DNAJC7: variants seen among roughly 807,000 people sequenced by gnomAD.
DNAJC7 encodes the protein dnaJ homolog subfamily C member 7.
A neutral mutation model predicts 67.4 loss-of-function variants in DNAJC7; 18 were observed. That is an observed-to-expected ratio of 0.27 (90% CI 0.18 to 0.40). The LOEUF (loss-of-function observed/expected upper bound fraction) is 0.40. Ranked by LOEUF, DNAJC7 falls within the 10% of genes least tolerant of loss-of-function variation. The pLI, the probability that DNAJC7 is intolerant of heterozygous loss-of-function variation, is 1.00. For synonymous variants in DNAJC7, 220 were observed against 207.8 expected (o/e 1.06, Z -0.50); for missense variants, 419 against 613.8 (o/e 0.68, Z 3.35).
rs782506550 is a variant in DNAJC7 at position 41,976,779 on chromosome 17, G to GA, written c.1448-10dup. 13 of 1,609,708 alleles carry GA rather than the reference G, an allele frequency of 8.1e-6. No homozygotes were observed. Among genetic ancestry groups the GA allele is most frequent in the Non-Finnish European group, 1.1e-5 (13 of 1,179,084 alleles). On this transcript the variant is annotated splice_polypyrimidine_tract_variant and intron_variant, in intron 13 of 13. Transcript: ENST00000457167. ...ATTCCCTGGACCAGATGCTGAAAGA[G>GA]AAAAGAGGGGTTGGTAGTTGGCTAT...
At chr17:41,987,752 T>G in intron 9 of DNAJC7, 67 bp downstream of exon 9, 2 of 1,381,722 alleles carry the variant, frequency 1.4e-6, no homozygotes, top group South Asian at 2.5e-5. Flanking sequence ...TGCTTCGTCA[T>G]CCACAAGGCA....
At chr17:41,986,919 C>G (rs1470285721) in intron 9 of DNAJC7, among the ~76,000 whole-genome samples, 1 of 152,150 alleles carries the variant, frequency 6.6e-6, no homozygotes, top group Non-Finnish European at 1.5e-5. Flanking sequence ...CATCAGGCAT[C>G]AGTGACAGCA....
Position 41,982,376 on chromosome 17 carries a change from C to T in DNAJC7, c.1110G>A (p.Ala370=), listed in dbSNP as rs142248480. 3.3e-4 allele frequency: 536 copies of T among 1,613,960 alleles called. 6 individuals are homozygous for T. The African/African-American group carries it at 6.5e-3, about 20-fold the overall frequency. Reference sequence around the variant, plus strand: ...TCTTACTCTTCTTCAGTTCCAGCTGCGCATTTTTTAGGAGCTGTTTGTGTT... The same window carrying T: ...TCTTACTCTTCTTCAGTTCCAGCTGTGCATTTTTTAGGAGCTGTTTGTGTT... The part of the protein sequence containing the change: ...TKEHKQLLKN[A]QLELKKSKRK... Residue 370 remains alanine (A), a synonymous_variant, in exon 11 of 14, where the codon GCG becomes GCA. Transcript: ENST00000457167.
chr17:41,991,228 C>T (rs2051504714), intron 5 of DNAJC7, among the ~76,000 whole-genome samples: 1 of 152,086 alleles, frequency 6.6e-6, no homozygotes, highest in Non-Finnish European at 1.5e-5. Context: ...ATAAATGAAC[C>T]GAAGGACAAA....
intron 1 of DNAJC7, among the ~76,000 whole-genome samples, chr17:42,005,998 C>A (rs1337493732): frequency 6.6e-6 from 1 of 151,884 alleles, no homozygotes; most frequent in East Asian, 1.9e-4. Flanking sequence ...GGCTAGAGTG[C>A]AGTGGCGTGA....
At chr17:41,979,008 G>A (rs2051169057) in intron 12 of DNAJC7, among the ~76,000 whole-genome samples, 1 of 152,212 alleles carries the variant, frequency 6.6e-6, no homozygotes, top group Non-Finnish European at 1.5e-5. Context: ...CTGAACTGGA[G>A]AGGACTCAGC....
In DNAJC7 at chr17:41,976,892, G is replaced by A. The variant is rs1477846120; in HGVS notation, c.1448-122C>T. 9.6e-6 allele frequency: 12 copies of A among 1,253,556 alleles called. No individual in the cohort carries two copies. The East Asian group carries it at 2.4e-4, about 25-fold the overall frequency. 77.7% of individuals were successfully genotyped at this position (1,253,556 alleles called of 1,614,324 possible). The stretch of plus-strand genomic sequence containing the variant: ...CTCAAACACAGAGAGAAACTCTATG[G>A]GTATCAAACAGCTCAGGCTGTTTTT... On this transcript the variant is annotated intron_variant, in intron 13 of 13. Coordinates refer to ENST00000457167, the MANE Select transcript of DNAJC7 (RefSeq NM_003315.4).
intron 9 of DNAJC7, 81 bp downstream of exon 9, chr17:41,987,738 G>C: frequency 8.3e-7 from 1 of 1,207,848 alleles, no homozygotes; most frequent in Non-Finnish European, 1.2e-6. Flanking sequence ...AACATCTCTG[G>C]GTCTGCTTCG....
intron 13 of DNAJC7, 76 bp downstream of exon 13, chr17:41,977,185 C>G: frequency 6.8e-7 from 1 of 1,465,798 alleles, no homozygotes; most frequent in East Asian, 2.5e-5. Context: ...CCTCTGACTC[C>G]CAAAGAGCTG....
Position 41,989,531 on chromosome 17 carries a change from T to C in DNAJC7, c.626A>G (p.Asn209Ser), listed in dbSNP as rs942322955. The C allele has an allele frequency of 2.5e-6, 4 of 1,614,034 alleles. No homozygotes were observed. The highest frequency in any genetic ancestry group is 1.6e-4 in the Middle Eastern group (1 of 6,062). The change falls in exon 7 of 14, where the codon AAT (asparagine) becomes AGT (serine). Residue 209 changes from asparagine (N) to serine (S), a missense_variant. By Grantham distance (46) the Asn-to-Ser change is conservative (BLOSUM62 1). Coordinates refer to ENST00000457167, the MANE Select transcript of DNAJC7 (RefSeq NM_003315.4). ...ACCTCGTACATACAGAGCATCTGCA[T>C]TGGTGGAATCCATTCGTAGAATGTC... ...ASDILRMDSTNADALYVRGLC... is the reference protein window; with the variant it reads ...ASDILRMDSTSADALYVRGLC...
intron 5 of DNAJC7, chr17:41,992,607 C>G (rs1167843785): frequency 6.6e-6 from 1 of 152,208 alleles, no homozygotes; most frequent in Non-Finnish European, 1.5e-5. Flanking sequence ...AGCAGCCACA[C>G]CCTGTTGCCT....
intron 1 of DNAJC7, among the ~76,000 whole-genome samples, chr17:42,012,131 A>C (rs2052134701): frequency 6.6e-6 from 1 of 152,238 alleles, no homozygotes; most frequent in African/African-American, 2.4e-5. Context: ...TGATTCTTTT[A>C]GATCTTGTTG....
intron 1 of DNAJC7, among the ~76,000 whole-genome samples, chr17:42,002,923 T>C (rs1236933286): frequency 1.3e-5 from 2 of 152,196 alleles, no homozygotes; most frequent in African/African-American, 4.8e-5. Flanking sequence ...CAATTAGTCA[T>C]AGAGGAAGCA....
chr17:42,008,395 G>GATAT (rs1226531409), intron 1 of DNAJC7, among the ~76,000 whole-genome samples: 3 of 136,806 alleles, frequency 2.2e-5, no homozygotes, highest in Admixed American at 1.6e-4. Flanking sequence ...CACAGGTATA[G>GATAT]ATATATATAT....
At chr17:41,980,452 C>G (rs1315692562) in intron 12 of DNAJC7, among the ~76,000 whole-genome samples, 1 of 152,212 alleles carries the variant, frequency 6.6e-6, no homozygotes, top group Non-Finnish European at 1.5e-5. Context: ...GTGGCGCAAT[C>G]TCAGCTCACT....
At chr17:42,001,394 C>T (rs1452395754) in intron 1 of DNAJC7, among the ~76,000 whole-genome samples, 1 of 152,178 alleles carries the variant, frequency 6.6e-6, no homozygotes, top group Non-Finnish European at 1.5e-5. Context: ...GTATACTTTC[C>T]TAAACTTTGT....
chr17:41,981,613 A>C (rs962387351), intron 12 of DNAJC7: 43 of 486,326 alleles, frequency 8.8e-5, no homozygotes, highest in Non-Finnish European at 1.5e-4. Flanking sequence ...TACAGGCATG[A>C]CCCATGGGGC....
At chr17:42,016,880 A>G (rs1485183764) in intron 1 of DNAJC7, 3 of 931,234 alleles carry the variant, frequency 3.2e-6, no homozygotes, top group African/African-American at 3.6e-5. Flanking sequence ...CAGACTAGTG[A>G]TCGCTGGGGT....
intron 9 of DNAJC7, chr17:41,985,049 G>T (rs1250494269): frequency 6.6e-6 from 1 of 152,060 alleles, no homozygotes; most frequent in Non-Finnish European, 1.5e-5. Context: ...GGCTGGTCTC[G>T]ATCTCCTGAC....
Sources: gnomAD v4.1 joint callset for allele counts (sites outside exome capture counted in the v4.1 genomes callset) on GRCh38, gnomAD v4.1.1 for gene constraint, MANE v1.5 for transcripts, NCBI Gene and HGNC (gene_info 2026-07-23, HGNC 2026-07-21) for gene names.